NFIC: variants seen among roughly 807,000 people sequenced by gnomAD.
NFIC encodes the protein nuclear factor I C.
NFIC carries 12 observed loss-of-function variants against 54.4 expected under a neutral mutation model. The ratio of observed to expected loss-of-function variants is 0.22; its 90% CI spans 0.14 to 0.36. The LOEUF (loss-of-function observed/expected upper bound fraction) is 0.36, where lower values mean the gene tolerates loss of function less well. Among genes scored for constraint, NFIC ranks in the 10% least tolerant of loss-of-function variants. The pLI is 1.00. For missense variants in NFIC, 575 were observed against 718.2 expected, an observed-to-expected ratio of 0.80 and a Z score of 2.28; for synonymous variants, 322 against 319.2, an observed-to-expected ratio of 1.01 and a Z score of -0.09.
At chr19:3,395,292 G>A (rs530222212) in intron 2 of NFIC, among the ~76,000 whole-genome samples, 1 of 152,136 alleles carries the variant, frequency 6.6e-6, no homozygotes, top group African/African-American at 2.4e-5. Flanking sequence ...CCGGGAGGCA[G>A]AGGCTGCAGT....
chr19:3,381,703 G>A lies in NFIC; in HGVS notation c.31-9G>A. On this transcript the variant is annotated splice_polypyrimidine_tract_variant and intron_variant, in intron 1 of 10. Transcript: ENST00000443272. ...GGCGCTCCTGACCTCTCGCCTCTCCGGCCTGCAGGATGAGTTCCACCCGTT... is the reference window on the plus strand; with the variant it reads ...GGCGCTCCTGACCTCTCGCCTCTCCAGCCTGCAGGATGAGTTCCACCCGTT... The A allele has an allele frequency of 1.2e-6, 2 of 1,612,872 alleles. No homozygotes were observed. The highest frequency in any genetic ancestry group is 1.7e-6 in the Non-Finnish European group (2 of 1,179,700).
chr19:3,385,573 G>GTTTTTTT (rs569020735), intron 2 of NFIC, among the ~76,000 whole-genome samples: 10 of 109,274 alleles, frequency 9.2e-5, no homozygotes, highest in African/African-American at 3.3e-4. Context: ...GGTTGTTGTT[G>GTTTTTTT]TTTTTTTTTT....
At chr19:3,449,160 G>A in intron 7 of NFIC, 21 bp downstream of exon 7, 4 of 1,603,268 alleles carry the variant, frequency 2.5e-6, no homozygotes, top group Non-Finnish European at 3.4e-6. Flanking sequence ...CGGGCCCCTG[G>A]CGGGGAGGGG....
At chr19:3,429,251 T>A (rs61615541) in intron 3 of NFIC, among the ~76,000 whole-genome samples, 13,180 of 26,324 alleles carry the variant, frequency 0.5, 2,885 homozygotes, top group East Asian at 0.59. Context: ...AAAAAAAATA[T>A]ATACACACAC....
At position 3,372,533 on chromosome 19, in the gene NFIC, C is replaced by T. The variant is rs528236746; in HGVS notation, c.30+5867C>T. Among the ~76,000 whole-genome samples the T allele has an allele frequency of 2.7e-4, 41 of 152,254 alleles. 1 individual carries two copies. The South Asian group carries it at 8.3e-3, about 31-fold the overall frequency. ...GTGGGACCGACAGTCTAGGCCGGGTCGGGGACGGGCAGGAAACGAGGTGAC... is the reference window on the plus strand; with the variant it reads ...GTGGGACCGACAGTCTAGGCCGGGTTGGGGACGGGCAGGAAACGAGGTGAC... On this transcript the variant is annotated intron_variant, in intron 1 of 10. Coordinates refer to ENST00000443272, the MANE Select transcript of NFIC (RefSeq NM_001245002.2).
chr19:3,416,193 G>GC (rs2081851121), intron 2 of NFIC, among the ~76,000 whole-genome samples: 1 of 149,026 alleles, frequency 6.7e-6, no homozygotes, highest in African/African-American at 2.5e-5. Flanking sequence ...GACCATGATT[G>GC]CCCCCCCATA....
intron 2 of NFIC, among the ~76,000 whole-genome samples, chr19:3,403,728 C>T (rs957799612): frequency 2.6e-5 from 4 of 152,182 alleles, no homozygotes; most frequent in African/African-American, 9.6e-5. Flanking sequence ...GCCTTGCCTC[C>T]CGTCCTCCGG....
intron 1 of NFIC, among the ~76,000 whole-genome samples, chr19:3,379,213 C>T (rs945001065): frequency 1.3e-5 from 2 of 151,984 alleles, no homozygotes; most frequent in African/African-American, 2.4e-5. Flanking sequence ...TCATGCGCCA[C>T]CACGCCTGGC....
intron 7 of NFIC, among the ~76,000 whole-genome samples, chr19:3,450,356 AAG>A (rs58382268): frequency 8.2e-5 from 12 of 146,432 alleles, no homozygotes; most frequent in Non-Finnish European, 1.8e-4. Context: ...AAAAAAAAAA[AAG>A]AGACATCTCC....
rs1295789022 is a variant in NFIC at position 3,458,219 on chromosome 19, G to A, written c.1509+1584G>A. The stretch of plus-strand genomic sequence containing the variant: ...AGCGAGCAGACGTCCAGGACTCCTC[G>A]CTTTGGGATTTGGGCCCCCTATGGC... On this transcript the variant is annotated intron_variant, in intron 10 of 10. Coordinates refer to ENST00000443272, the MANE Select transcript of NFIC (RefSeq NM_001245002.2). The surrounding 1 kb of genome is among the most constrained non-coding windows in gnomAD (Gnocchi z 4.1). 2.6e-5 allele frequency among the ~76,000 whole-genome samples: 4 copies of A among 152,172 alleles called. No individual in the cohort carries two copies. The highest frequency in any genetic ancestry group is 6.5e-5 in the Admixed American group (1 of 15,282).
At chr19:3,415,319 C>A (rs529512347) in intron 2 of NFIC, among the ~76,000 whole-genome samples, 1 of 151,728 alleles carries the variant, frequency 6.6e-6, no homozygotes, top group East Asian at 1.9e-4. Context: ...TGGGGTTTCA[C>A]CATATTGTCC....
chr19:3,383,748 A>AG (rs747131188), intron 2 of NFIC, among the ~76,000 whole-genome samples: 1 of 152,180 alleles, frequency 6.6e-6, no homozygotes, highest in South Asian at 2.1e-4. Flanking sequence ...AGACCCACAC[A>AG]GGTCACCAGC....
intron 6 of NFIC, among the ~76,000 whole-genome samples, chr19:3,436,326 T>A (rs1489952749): frequency 3.9e-4 from 57 of 144,906 alleles, no homozygotes; most frequent in African/African-American, 1.4e-3. Flanking sequence ...TTTTTTTTTT[T>A]TTTTTTTTTT....
In NFIC at chr19:3,453,736, T is replaced by C; in HGVS notation, c.1270-27T>C. On this transcript the variant is annotated intron_variant, in intron 8 of 10. Coordinates refer to ENST00000443272, the MANE Select transcript of NFIC (RefSeq NM_001245002.2). The surrounding 1 kb of genome is among the most constrained non-coding windows in gnomAD (Gnocchi z 6.7). ...CGAGGTAGAGGGGGAGCCCACCCCTTAACCACGTGTCTCTCTGTTCCCCCA... is the reference window on the plus strand; with the variant it reads ...CGAGGTAGAGGGGGAGCCCACCCCTCAACCACGTGTCTCTCTGTTCCCCCA... 1 of 1,589,010 alleles carries C rather than the reference T, an allele frequency of 6.3e-7. No individual in the cohort carries two copies. Among genetic ancestry groups the C allele is most frequent in the Non-Finnish European group, 8.5e-7 (1 of 1,170,184 alleles).
intron 6 of NFIC, among the ~76,000 whole-genome samples, chr19:3,443,749 G>A (rs1338216011): frequency 1.3e-5 from 2 of 152,198 alleles, no homozygotes; most frequent in South Asian, 2.1e-4. Context: ...TGTCACGACT[G>A]CAGGGTGGTC....
chr19:3,404,121 C>G (rs938737970), intron 2 of NFIC, among the ~76,000 whole-genome samples: 29 of 152,086 alleles, frequency 1.9e-4, no homozygotes, highest in African/African-American at 5.1e-4. Flanking sequence ...AGGGCTCCCC[C>G]CGAGGCCTGC....
chr19:3,405,069 C>T (rs2081624417), intron 2 of NFIC, among the ~76,000 whole-genome samples: 1 of 152,076 alleles, frequency 6.6e-6, no homozygotes, highest in Non-Finnish European at 1.5e-5. Context: ...ATGGAGCCGG[C>T]GGGGGCCGGG....
intron 2 of NFIC, among the ~76,000 whole-genome samples, chr19:3,418,014 C>G (rs1195108732): frequency 6.6e-6 from 1 of 151,714 alleles, no homozygotes; most frequent in Non-Finnish European, 1.5e-5. Flanking sequence ...TGCTGTCCAA[C>G]TTGGTCACCA....
chr19:3,458,256 C>G lies in NFIC; in HGVS notation c.1509+1621C>G, dbSNP rs2082589603. On this transcript the variant is annotated intron_variant, in intron 10 of 10. Coordinates refer to ENST00000443272, the MANE Select transcript of NFIC (RefSeq NM_001245002.2). This position sits in a 1 kb window ranked among gnomAD's most constrained non-coding sequence, Gnocchi z 4.1. The stretch of plus-strand genomic sequence containing the variant: ...GGGCCCCCTATGGCCAACCTCTCCC[C>G]CGCCTGGTGCTGATGGAGCCCGGCA... Among the ~76,000 whole-genome samples, 1 of 152,210 alleles carries G rather than the reference C, an allele frequency of 6.6e-6. No homozygotes were observed. The highest frequency in any genetic ancestry group is 2.1e-4 in the South Asian group (1 of 4,836).
Sources: allele counts gnomAD v4.1 joint callset (sites outside exome capture counted in the v4.1 genomes callset), GRCh38; gene constraint gnomAD v4.1.1; non-coding constraint Gnocchi (gnomAD v3.1); transcripts MANE v1.5; gene names NCBI Gene and HGNC (gene_info 2026-07-23, HGNC 2026-07-21).